Variants in ADGRV1 observed in about 807,000 individuals in gnomAD.
ADGRV1 encodes the protein adhesion G protein-coupled receptor V1, also known as G-protein coupled receptor 98.
ADGRV1 carries 359 observed loss-of-function variants against 596.2 expected under a neutral mutation model. The ratio of observed to expected loss-of-function variants is 0.60; its 90% CI spans 0.55 to 0.66. The LOEUF (loss-of-function observed/expected upper bound fraction) is 0.66. Among genes scored for constraint, ADGRV1 ranks in the 30% least tolerant of loss-of-function variants. The pLI is 0.00. For missense variants in ADGRV1, 7,274 were observed against 7,575.6 expected (o/e 0.96, Z 1.48); for synonymous variants, 2,681 against 2,679.2 (o/e 1.00, Z -0.02).
intron 52 of ADGRV1, 52 bp from the exon 53 acceptor site, chr5:90,750,499 C>G: frequency 2.7e-6 from 4 of 1,481,956 alleles, no homozygotes; most frequent in Non-Finnish European, 3.7e-6. Flanking sequence ...AAAAAGAAGT[C>G]TGATTAGGTA....
At chr5:91,155,579 A>G (rs1159700894) in intron 89 of ADGRV1, among the ~76,000 whole-genome samples, 3 of 152,256 alleles carry the variant, frequency 2.0e-5, no homozygotes, top group Non-Finnish European at 4.4e-5. Context: ...TCACATTAGC[A>G]TTTTAGCAGC....
intron 1 of ADGRV1, among the ~76,000 whole-genome samples, chr5:90,607,546 T>C (rs1386528577): frequency 1.3e-5 from 2 of 152,170 alleles, no homozygotes; most frequent in African/African-American, 4.8e-5. Context: ...TCCAGTTTTT[T>C]ACCCCCTTCT....
intron 23 of ADGRV1, 31 bp downstream of exon 23, chr5:90,674,265 C>G (rs764964220): frequency 2.0e-6 from 3 of 1,518,272 alleles, no homozygotes; most frequent in South Asian, 2.8e-5. Flanking sequence ...GAAAAATCCT[C>G]TCTTCTCTGG....
In ADGRV1 at chr5:90,692,721, G is replaced by A. The variant is rs1561538613; in HGVS notation, c.7068G>A (p.Gln2356=). The A allele has an allele frequency of 1.9e-6, 3 of 1,609,804 alleles. No homozygotes were observed. Among genetic ancestry groups the A allele is most frequent in the Non-Finnish European group, 8.5e-7 (1 of 1,178,044 alleles). ...CTTATGGTACAGTAGCCTTTGCTCA[G>A]ATGGTTTATCGTGTTCAAGAGCCTC... ...DDPYGTVAFA[Q]MVYRVQEPLE... is the part of the protein sequence containing the mutation. The change falls in exon 32 of 90, where the codon CAG becomes CAA. Residue 2356 remains glutamine, a synonymous_variant. Coordinates refer to ENST00000405460, the MANE Select transcript of ADGRV1 (RefSeq NM_032119.4).
intron 37 of ADGRV1, among the ~76,000 whole-genome samples, chr5:90,705,982 T>C (rs1748537326): frequency 6.6e-6 from 1 of 152,166 alleles, no homozygotes; most frequent in African/African-American, 2.4e-5. Context: ...ATTTTTACCT[T>C]GTTCTATTGG....
chr5:90,678,618 G>A (rs768613486), intron 25 of ADGRV1, among the ~76,000 whole-genome samples: 9 of 145,636 alleles, frequency 6.2e-5, no homozygotes, highest in Non-Finnish European at 1.2e-4. Context: ...ATCTTTTAGG[G>A]CATTCTAGAT....
intron 86 of ADGRV1, among the ~76,000 whole-genome samples, chr5:91,073,809 T>TC (rs1788602325): frequency 6.6e-6 from 1 of 152,190 alleles, no homozygotes; most frequent in South Asian, 2.1e-4. Context: ...GCAATTCTCC[T>TC]TCCTCAGCCT....
intron 83 of ADGRV1, among the ~76,000 whole-genome samples, chr5:90,943,501 A>G (rs1776328271): frequency 6.6e-6 from 1 of 152,126 alleles, no homozygotes; most frequent in African/African-American, 2.4e-5. Context: ...CTTGTCCTTA[A>G]GATCACAGCT....
intron 1 of ADGRV1, among the ~76,000 whole-genome samples, chr5:90,604,738 G>T (rs1162005940): frequency 6.6e-6 from 1 of 152,004 alleles, no homozygotes; most frequent in African/African-American, 2.4e-5. Context: ...ATTTTTTAAA[G>T]GACCTAAAAG....
intron 41 of ADGRV1, 49 bp downstream of exon 41, chr5:90,711,371 T>G: frequency 4.8e-6 from 7 of 1,446,394 alleles, no homozygotes; most frequent in Non-Finnish European, 5.6e-6. Context: ...TATTTTATAA[T>G]CATTATTCCT....
At position 90,558,929 on chromosome 5, in the gene ADGRV1, C is replaced by A. The variant is rs1182830182; in HGVS notation, c.22+12C>A. The A allele has an allele frequency of 1.3e-6, 2 of 1,554,860 alleles. No individual in the cohort carries two copies. Among genetic ancestry groups the A allele is most frequent in the Non-Finnish European group, 1.7e-6 (2 of 1,148,728 alleles). On this transcript the variant is annotated intron_variant, in intron 1 of 89. Transcript: ENST00000405460. ...GTTCCTGGGGCCAGGTAGGCTATGGCTGAGGGGTGGTGCTGCGAGCATCGC... is the reference window on the plus strand; with the variant it reads ...GTTCCTGGGGCCAGGTAGGCTATGGATGAGGGGTGGTGCTGCGAGCATCGC...
At chr5:91,047,702 C>G (rs1218523132) in intron 85 of ADGRV1, among the ~76,000 whole-genome samples, 2 of 152,178 alleles carry the variant, frequency 1.3e-5, no homozygotes, top group East Asian at 3.8e-4. Context: ...AACAAGTTGA[C>G]ACTCAGTATT....
At chr5:90,571,824 G>T (rs1028080633) in intron 1 of ADGRV1, among the ~76,000 whole-genome samples, 1 of 152,146 alleles carries the variant, frequency 6.6e-6, no homozygotes, top group African/African-American at 2.4e-5. Context: ...TGGGAGAGTT[G>T]TGTGGGAATA....
chr5:90,673,756 C>G (rs762002231), intron 22 of ADGRV1, among the ~76,000 whole-genome samples: 5 of 152,102 alleles, frequency 3.3e-5, no homozygotes, highest in Non-Finnish European at 5.9e-5. Context: ...AATACCATCA[C>G]TTTGGGGATT....
Position 90,927,156 on chromosome 5 carries a change from G to A in ADGRV1, c.17857-38259G>A, listed in dbSNP as rs546550560. ...CTGTAGATGTCTATTAGGTCCGCTT[G>A]GTGCAGAGCTGAGTTCAATTCCTGG... is the stretch of plus-strand genomic sequence containing the variant. On this transcript the variant is annotated intron_variant, in intron 83 of 89. Coordinates refer to ENST00000405460, the MANE Select transcript of ADGRV1 (RefSeq NM_032119.4). Among the ~76,000 whole-genome samples the A allele has an allele frequency of 2.0e-5, 3 of 150,594 alleles. No homozygotes were observed. The East Asian group carries it at 5.8e-4, about 29-fold the overall frequency.
intron 85 of ADGRV1, among the ~76,000 whole-genome samples, chr5:91,018,592 G>A (rs1325223836): frequency 6.6e-6 from 1 of 151,938 alleles, no homozygotes; most frequent in Non-Finnish European, 1.5e-5. Context: ...CCCTAAGTCA[G>A]CTAAAGGGGA....
chr5:90,768,152 A>G (rs1050565152), intron 59 of ADGRV1, among the ~76,000 whole-genome samples: 1 of 152,258 alleles, frequency 6.6e-6, no homozygotes, highest in African/African-American at 2.4e-5. Context: ...TAAAATGGCA[A>G]ATAGTCTGAT....
At chr5:90,836,765 A>G (rs1765005371) in intron 77 of ADGRV1, among the ~76,000 whole-genome samples, 1 of 152,194 alleles carries the variant, frequency 6.6e-6, no homozygotes, top group African/African-American at 2.4e-5. Flanking sequence ...ATTATTTCTT[A>G]TAACTGCATG....
intron 85 of ADGRV1, among the ~76,000 whole-genome samples, chr5:91,042,349 A>G (rs183126848): frequency 2.0e-4 from 31 of 152,346 alleles, no homozygotes; most frequent in Non-Finnish European, 4.0e-4. Context: ...ACAGCCACCA[A>G]GTAAACTGTT....
Sources: gnomAD v4.1 joint callset for allele counts (sites outside exome capture counted in the v4.1 genomes callset) on GRCh38, gnomAD v4.1.1 for gene constraint, MANE v1.5 for transcripts, NCBI Gene and HGNC (gene_info 2026-07-23, HGNC 2026-07-21) for gene names.